Variants in CNDP1 observed in about 807,000 individuals in gnomAD.
CNDP1 encodes the protein carnosine dipeptidase 1, also known as beta-Ala-His dipeptidase.
A neutral mutation model predicts 58.1 loss-of-function variants in CNDP1; 44 were observed. The observed-to-expected ratio is 0.76, with a 90% CI of 0.60 to 0.97. The LOEUF (loss-of-function observed/expected upper bound fraction) is 0.97, where lower values mean the gene tolerates loss of function less well. CNDP1 is among the 50% of genes least tolerant of loss of function. The pLI is 0.00. For synonymous variants in CNDP1, 254 were observed against 252.6 expected, an observed-to-expected ratio of 1.01 and a Z score of -0.05; for missense variants, 616 against 655.1, an observed-to-expected ratio of 0.94 and a Z score of 0.65.
chr18:74,558,610 G>A (rs1045357599), intron 2 of CNDP1, among the ~76,000 whole-genome samples: 1 of 151,984 alleles, frequency 6.6e-6, no homozygotes, highest in Non-Finnish European at 1.5e-5. Context: ...TAGCCAGGAT[G>A]GTCTGGATCT....
chr18:74,561,023 G>A lies in CNDP1; in HGVS notation c.466+5G>A, dbSNP rs1339862019. On this transcript the variant is annotated splice_donor_5th_base_variant and intron_variant, in intron 4 of 11. Coordinates refer to ENST00000358821, the MANE Select transcript of CNDP1 (RefSeq NM_032649.6). Reference sequence around the variant, plus strand: ...ATGTGCTGACGGAGGTAGACGGTCAGTGAGGCGCCCGGGCTACAGTGCGGT... The same window carrying A: ...ATGTGCTGACGGAGGTAGACGGTCAATGAGGCGCCCGGGCTACAGTGCGGT... The A allele has an allele frequency of 1.9e-6, 3 of 1,610,492 alleles. No individual in the cohort carries two copies. Among genetic ancestry groups the A allele is most frequent in the Non-Finnish European group, 2.5e-6 (3 of 1,177,178 alleles).
Position 74,556,397 on chromosome 18 carries a change from C to G in CNDP1, c.84C>G (p.Pro28=), listed in dbSNP as rs1482792063. ...LLLERGMFSS[P]SPPPALLEKV... Reference sequence around the variant, plus strand: ...TGGAGCGCGGCATGTTCTCCTCACCCTCCCCGCCCCCGGCGCTGTTAGAGA... The same window carrying G: ...TGGAGCGCGGCATGTTCTCCTCACCGTCCCCGCCCCCGGCGCTGTTAGAGA... Residue 28 remains proline (P), a synonymous_variant, in exon 2 of 12, where the codon CCC becomes CCG. Transcript: ENST00000358821. 2 of 1,614,174 alleles carry G rather than the reference C, an allele frequency of 1.2e-6. No individual in the cohort carries two copies. Among genetic ancestry groups the G allele is most frequent in the Non-Finnish European group, 1.7e-6 (2 of 1,179,994 alleles).
intron 1 of CNDP1, among the ~76,000 whole-genome samples, chr18:74,553,513 G>T (rs1206962631): frequency 6.6e-6 from 1 of 152,084 alleles, no homozygotes; most frequent in Non-Finnish European, 1.5e-5. Context: ...TTATTGAAAA[G>T]ACTGTTTTCC....
At chr18:74,561,940 T>G in intron 4 of CNDP1, 107 bp from the exon 5 acceptor site, 1 of 851,870 alleles carries the variant, frequency 1.2e-6, no homozygotes, top group Non-Finnish European at 1.9e-6. Context: ...TGCAATATTA[T>G]TATAGAAAGC....
At chr18:74,581,198 C>T (rs1025853270) in intron 10 of CNDP1, among the ~76,000 whole-genome samples, 2 of 149,418 alleles carry the variant, frequency 1.3e-5, no homozygotes, top group East Asian at 2.0e-4. Context: ...GCAGGGCATC[C>T]CCGGAGAGCC....
chr18:74,557,676 G>A (rs568526898), intron 2 of CNDP1, among the ~76,000 whole-genome samples: 1 of 152,244 alleles, frequency 6.6e-6, no homozygotes, highest in African/African-American at 2.4e-5. Context: ...CACCAGACGG[G>A]GAGCTCCTTG....
intron 1 of CNDP1, among the ~76,000 whole-genome samples, chr18:74,539,480 C>G (rs1980563189): frequency 1.3e-5 from 2 of 152,218 alleles, no homozygotes; most frequent in Non-Finnish European, 2.9e-5. Context: ...GGGAGCTATC[C>G]TGCGCATGAG....
chr18:74,563,124 G>A (rs1981244405), intron 5 of CNDP1, among the ~76,000 whole-genome samples: 1 of 152,142 alleles, frequency 6.6e-6, no homozygotes, highest in African/African-American at 2.4e-5. Context: ...CAGGTGCCAG[G>A]GGCTTCCCTC....
intron 1 of CNDP1, among the ~76,000 whole-genome samples, chr18:74,535,237 G>A (rs932460978): frequency 1.4e-4 from 21 of 152,200 alleles, no homozygotes; most frequent in Admixed American, 3.9e-4. Flanking sequence ...GGTACCTTTG[G>A]CTGTGAGGTT....
intron 10 of CNDP1, among the ~76,000 whole-genome samples, chr18:74,581,218 CTGTGTGTGTGTGTGTG>C (rs56269857): frequency 0.069 from 9,504 of 138,478 alleles, 334 homozygotes; most frequent in Non-Finnish European, 0.081. Flanking sequence ...CACACCTATC[CTGTGTGTGTGTGTGTG>C]TGTGTGTGTG....
chr18:74,534,711 T>C lies in CNDP1; in HGVS notation c.24+20T>C. 2 of 1,613,884 alleles carry C rather than the reference T, an allele frequency of 1.2e-6. No individual in the cohort carries two copies. The highest frequency in any genetic ancestry group is 1.7e-6 in the Non-Finnish European group (2 of 1,179,756). On this transcript the variant is annotated intron_variant, in intron 1 of 11. Transcript: ENST00000358821. ...AGAATGGTGAGTAGGACCTCCTCCA[T>C]CAGAGTCCGTGCATTGGGTGCCAGA...
At chr18:74,555,573 G>T (rs1312077141) in intron 1 of CNDP1, among the ~76,000 whole-genome samples, 1 of 152,204 alleles carries the variant, frequency 6.6e-6, no homozygotes, top group Non-Finnish European at 1.5e-5. Context: ...CCTGTCAGGG[G>T]TCAAGGAGGA....
At position 74,578,224 on chromosome 18, in the gene CNDP1, C is replaced by T. The variant is rs181236817; in HGVS notation, c.1064C>T (p.Ala355Val). 48 of 1,613,882 alleles carry T rather than the reference C, an allele frequency of 3.0e-5. No homozygotes were observed. Among genetic ancestry groups the T allele is most frequent in the South Asian group, 1.9e-4 (17 of 91,068 alleles). ...CTTTCTATTCATGGGATCGAGGGCGCGTTTGATGAGCCTGGAACTAAAACA... is the reference window on the plus strand; with the variant it reads ...CTTTCTATTCATGGGATCGAGGGCGTGTTTGATGAGCCTGGAACTAAAACA... ...PSLSIHGIEG[A>V]FDEPGTKTVI... Residue 355 changes from alanine to valine, a missense_variant, in exon 9 of 12, where the codon GCG becomes GTG. Coordinates refer to ENST00000358821, the MANE Select transcript of CNDP1 (RefSeq NM_032649.6).
chr18:74,542,074 C>A (rs963836121), intron 1 of CNDP1, among the ~76,000 whole-genome samples: 5 of 152,214 alleles, frequency 3.3e-5, no homozygotes, highest in African/African-American at 1.2e-4. Flanking sequence ...GTGCATGGCG[C>A]TCAGGGAGAA....
rs1036845472 is a variant in CNDP1 at position 74,534,619 on chromosome 18, AT to A, written c.-43del. The stretch of plus-strand genomic sequence containing the variant: ...GCTTTCATGGGACTCCCTCTGCCAC[AT>A]TTTTTGGAGGTTGGGAAAGTTGCTA... On this transcript the variant is annotated 5_prime_UTR_variant, in exon 1 of 12. The change abolishes the stop of an existing upstream ORF in the 5' untranslated region. Transcript: ENST00000358821. 15 of 1,611,230 alleles carry A rather than the reference AT, an allele frequency of 9.3e-6. No homozygotes were observed. The highest frequency in any genetic ancestry group is 1.2e-5 in the Non-Finnish European group (14 of 1,177,598).
rs922413785 is a variant in CNDP1 at position 74,561,059 on chromosome 18, T to G, written c.466+41T>G. The stretch of plus-strand genomic sequence containing the variant: ...GGGCTACAGTGCGGTGCTGCTGTGC[T>G]TGCAAGATTGAAGGGGTGAAGATGA... On this transcript the variant is annotated intron_variant, in intron 4 of 11. Coordinates refer to ENST00000358821, the MANE Select transcript of CNDP1 (RefSeq NM_032649.6). 8 of 1,589,606 alleles carry G rather than the reference T, an allele frequency of 5.0e-6. No individual in the cohort carries two copies. In the East Asian group the frequency reaches 1.8e-4, roughly 36 times the overall value.
chr18:74,562,170 G>A, intron 5 of CNDP1, 35 bp downstream of exon 5: 1 of 1,595,712 alleles, frequency 6.3e-7, no homozygotes, highest in Non-Finnish European at 8.6e-7. Flanking sequence ...AGAGGAGGAG[G>A]AGGATGGTAA....
At chr18:74,551,601 C>T (rs1980911883) in intron 1 of CNDP1, among the ~76,000 whole-genome samples, 2 of 152,100 alleles carry the variant, frequency 1.3e-5, no homozygotes, top group African/African-American at 4.8e-5. Flanking sequence ...GTGCACTTCC[C>T]CTTGTCAGAC....
At chr18:74,579,611 A>G (rs1017662135) in intron 9 of CNDP1, among the ~76,000 whole-genome samples, 4 of 152,170 alleles carry the variant, frequency 2.6e-5, no homozygotes, top group Non-Finnish European at 5.9e-5. Context: ...ACAATGAAAA[A>G]AGAGCAGGAG....
Sources: allele counts gnomAD v4.1 joint callset (sites outside exome capture counted in the v4.1 genomes callset), GRCh38; gene constraint gnomAD v4.1.1; transcripts MANE v1.5; gene names NCBI Gene and HGNC (gene_info 2026-07-23, HGNC 2026-07-21).